Variants in ZDHHC23 observed in about 807,000 individuals in gnomAD.
ZDHHC23 encodes palmitoyltransferase ZDHHC23.
A neutral mutation model predicts 40.2 loss-of-function variants in ZDHHC23; 41 were observed. The observed-to-expected ratio is 1.02, with a 90% CI of 0.79 to 1.32. The LOEUF (loss-of-function observed/expected upper bound fraction) is 1.32. Among genes scored for constraint, ZDHHC23 ranks in the 40% most tolerant of loss-of-function variants. ZDHHC23 has a pLI of 0.00. For missense variants in ZDHHC23, 471 were observed against 541.5 expected (o/e 0.87, Z 1.29); for synonymous variants, 204 against 210.2 (o/e 0.97, Z 0.26).
chr3:113,961,237 A>T lies in ZDHHC23; in HGVS notation c.*2607A>T, dbSNP rs759024321. 1 of 154,480 alleles carries T rather than the reference A, an allele frequency of 6.5e-6. No homozygotes were observed. Among genetic ancestry groups the T allele is most frequent in the Non-Finnish European group, 1.4e-5 (1 of 69,668 alleles). The allele number at this position is 154,480 out of a possible 1,614,324, so 9.6% of individuals were successfully genotyped here. On this transcript the variant is annotated 3_prime_UTR_variant, in exon 5 of 5. Transcript: ENST00000638807. ...TCAAACAAGCAGGTCCTCTTCTCTCATCTCACGTCCTTAGTCTCTGTTAAT... is the reference window on the plus strand; with the variant it reads ...TCAAACAAGCAGGTCCTCTTCTCTCTTCTCACGTCCTTAGTCTCTGTTAAT...
downstream of ZDHHC23, among the ~76,000 whole-genome samples, chr3:113,966,140 C>T (rs1357280084): frequency 1.3e-5 from 2 of 152,172 alleles, no homozygotes; most frequent in Non-Finnish European, 2.9e-5. Flanking sequence ...ATTGAGGCCT[C>T]AGTGCGTAGA....
At chr3:113,964,777 C>G (rs930693309), downstream of ZDHHC23, 1 of 153,708 alleles carries the variant, frequency 6.5e-6, no homozygotes, top group African/African-American at 2.4e-5. Flanking sequence ...GCACTCACCC[C>G]TGTTTATTTC....
rs766806202 is a variant in ZDHHC23, at chr3:113,960,764, A to G, written c.*2134A>G. 2 of 1,552,382 alleles carry G rather than the reference A, an allele frequency of 1.3e-6. No homozygotes were observed. Among genetic ancestry groups the G allele is most frequent in the Admixed American group, 4.2e-5 (2 of 47,338 alleles). On this transcript the variant is annotated 3_prime_UTR_variant, in exon 5 of 5. Transcript: ENST00000638807. ...CTCCGCTTCCTTCCCATGGATAGGAAGGGACTCTGTGTATTATTCAGGTTT... is the reference window on the plus strand; with the variant it reads ...CTCCGCTTCCTTCCCATGGATAGGAGGGGACTCTGTGTATTATTCAGGTTT...
intron 4 of ZDHHC23, chr3:113,957,676 G>T (rs1431800042): frequency 2.0e-6 from 1 of 500,236 alleles, no homozygotes; most frequent in African/African-American, 1.9e-5. Flanking sequence ...TGAAGATTCT[G>T]AATGAACTTA....
At chr3:113,957,275 A>C (rs1294327677) in intron 4 of ZDHHC23, among the ~76,000 whole-genome samples, 1 of 151,756 alleles carries the variant, frequency 6.6e-6, no homozygotes, top group Non-Finnish European at 1.5e-5. Context: ...CTCACTCTTC[A>C]TTTTCAGAAC....
At position 113,960,987 on chromosome 3, in the gene ZDHHC23, T is replaced by C. The variant is rs1315078714; in HGVS notation, c.*2357T>C. On this transcript the variant is annotated 3_prime_UTR_variant, in exon 5 of 5. Transcript: ENST00000638807. ...TCTGTGACATCTTTGGTTTATAGGATTTTGGAGCCTTTTATGATCTGGAAC... is the reference window on the plus strand; with the variant it reads ...TCTGTGACATCTTTGGTTTATAGGACTTTGGAGCCTTTTATGATCTGGAAC... The C allele has an allele frequency of 2.2e-6, 1 of 447,090 alleles. No homozygotes were observed. Among genetic ancestry groups the C allele is most frequent in the Non-Finnish European group, 3.8e-6 (1 of 263,112 alleles). The allele number at this position is 447,090 out of a possible 1,614,324, so 27.7% of individuals were successfully genotyped here. A position where few individuals can be genotyped will look rare whatever the true frequency, so the allele number is the denominator to read the frequency against.
At position 113,957,367 on chromosome 3, in the gene ZDHHC23, A is replaced by G. The variant is rs115295373; in HGVS notation, c.1040+861A>G. Among the ~76,000 whole-genome samples, 1,502 of 152,308 alleles carry G rather than the reference A, an allele frequency of 9.9e-3. 22 individuals are homozygous for G. The highest frequency in any genetic ancestry group is 0.034 in the African/African-American group (1,400 of 41,552). On this transcript the variant is annotated intron_variant, in intron 4 of 4. Coordinates refer to ENST00000638807, the MANE Select transcript of ZDHHC23 (RefSeq NM_001320466.2). ...GGACAGATCTCCCCATTGTCATCCT[A>G]GAACCAGACACCTGTGGGCATTATT...
the ZDHHC23 span, among the ~76,000 whole-genome samples, chr3:113,977,168 G>A: frequency 6.6e-6 from 1 of 152,166 alleles, no homozygotes; most frequent in African/African-American, 2.4e-5. Flanking sequence ...GTCGTGGTGT[G>A]TGCCTGTAAT....
At chr3:113,971,484 T>G in the ZDHHC23 span, among the ~76,000 whole-genome samples, 1 of 152,256 alleles carries the variant, frequency 6.6e-6, no homozygotes, top group African/African-American at 2.4e-5. Flanking sequence ...TCATGTTTAT[T>G]GATTTGCATA....
chr3:113,972,438 T>C, the ZDHHC23 span, among the ~76,000 whole-genome samples: 1 of 152,188 alleles, frequency 6.6e-6, no homozygotes, highest in Non-Finnish European at 1.5e-5. Flanking sequence ...TCAGAATAGA[T>C]ACTTGATACA....
chr3:113,948,571 A>G, intron 1 of ZDHHC23, 115 bp from the exon 2 acceptor site: 5 of 464,820 alleles, frequency 1.1e-5, no homozygotes, highest in Non-Finnish European at 1.9e-5. Flanking sequence ...GGGGCGGTGA[A>G]GGCAGCTCAG....
Position 113,956,413 on chromosome 3 carries a change from T to C in ZDHHC23, c.947T>C (p.Val316Ala). ...CTTTTGATCTTCTTGCTCACCTCGGTGTATGGGATCACACTGACCTTGGAC... is the reference window on the plus strand; with the variant it reads ...CTTTTGATCTTCTTGCTCACCTCGGCGTATGGGATCACACTGACCTTGGAC... ...LALLIFLLTS[V>A]YGITLTLDTI... The change falls in exon 4 of 5, where the codon GTG becomes GCG. Residue 316 changes from valine to alanine, a missense_variant. This residue lies in a region of ZDHHC23 where 346 missense variants were observed against 399.8 expected (regional missense o/e 0.87). Transcript: ENST00000638807. 6.2e-7 allele frequency: 1 copy of C among 1,614,192 alleles called. No individual in the cohort carries two copies. The highest frequency in any genetic ancestry group is 8.5e-7 in the Non-Finnish European group (1 of 1,180,010).
rs1559851875 is a variant in ZDHHC23, at chr3:113,959,441, T to G, written c.*811T>G. 1.6e-6 allele frequency: 2 copies of G among 1,251,106 alleles called. No individual in the cohort carries two copies. Among genetic ancestry groups the G allele is most frequent in the Non-Finnish European group, 2.1e-6 (2 of 959,330 alleles). The allele number at this position is 1,251,106 out of a possible 1,614,324, so 77.5% of individuals were successfully genotyped here. Reference sequence around the variant, plus strand: ...TAGGTGATGAGTTCTTCTATTTATATTTTATAAATTCTGCTTGGGTTTCTT... The same window carrying G: ...TAGGTGATGAGTTCTTCTATTTATAGTTTATAAATTCTGCTTGGGTTTCTT... On this transcript the variant is annotated 3_prime_UTR_variant, in exon 5 of 5. Transcript: ENST00000638807.
intron 2 of ZDHHC23, among the ~76,000 whole-genome samples, chr3:113,951,906 G>T (rs1171381450): frequency 6.6e-6 from 1 of 152,198 alleles, no homozygotes; most frequent in Non-Finnish European, 1.5e-5. Context: ...GGGAAGCCCA[G>T]GTGGGCAGAT....
At chr3:113,970,122 A>C (rs1049993139), downstream of ZDHHC23, among the ~76,000 whole-genome samples, 3 of 151,842 alleles carry the variant, frequency 2.0e-5, no homozygotes, top group African/African-American at 7.3e-5. Flanking sequence ...TTAAGGTGGG[A>C]TTGTTTTCTT....
chr3:113,948,872 T>G lies in ZDHHC23; in HGVS notation c.70T>G (p.Cys24Gly). 6.2e-7 allele frequency: 1 copy of G among 1,614,236 alleles called. No individual in the cohort carries two copies. Reference sequence around the variant, plus strand: ...CGAAGAACCTGAATTGGAGCCCCTGTGCTGCTGCGAGTACATAGATCGGAA... The same window carrying G: ...CGAAGAACCTGAATTGGAGCCCCTGGGCTGCTGCGAGTACATAGATCGGAA... The part of the protein sequence containing the change: ...KTEEPELEPL[C>G]CCEYIDRNGE... The change falls in exon 2 of 5, where the codon TGC becomes GGC. Residue 24 changes from cysteine to glycine, a missense_variant. Physicochemically the swap from Cys to Gly is radical, Grantham distance 159 (BLOSUM62 -3). Around this residue, in one of 3 missense-constraint regions of ZDHHC23, gnomAD observed 83 missense variants for 67.8 expected, o/e 1.22. Coordinates refer to ENST00000638807, the MANE Select transcript of ZDHHC23 (RefSeq NM_001320466.2).
Position 113,960,724 on chromosome 3 carries a change from A to G in ZDHHC23, c.*2094A>G. 4 of 1,590,180 alleles carry G rather than the reference A, an allele frequency of 2.5e-6. No individual in the cohort carries two copies. Among genetic ancestry groups the G allele is most frequent in the Non-Finnish European group, 3.4e-6 (4 of 1,171,634 alleles). On this transcript the variant is annotated 3_prime_UTR_variant, in exon 5 of 5. Transcript: ENST00000638807. ...TTAACAACTTACCTCTAATAGGGTT[A>G]CTTGGATGAGCCAACTCCGCTTCCT...
chr3:113,972,754 A>G, the ZDHHC23 span, among the ~76,000 whole-genome samples: 8 of 152,102 alleles, frequency 5.3e-5, no homozygotes, highest in East Asian at 1.9e-4. Context: ...GAGTGCATAG[A>G]TATTTATAAT....
At chr3:113,976,215 T>TACTA in the ZDHHC23 span, among the ~76,000 whole-genome samples, 1 of 151,930 alleles carries the variant, frequency 6.6e-6, no homozygotes, top group East Asian at 1.9e-4. Flanking sequence ...GCTGAGATCC[T>TACTA]ACTACTGCAC....
Sources: allele counts gnomAD v4.1 joint callset (sites outside exome capture counted in the v4.1 genomes callset), GRCh38; gene constraint gnomAD v4.1.1; regional missense constraint gnomAD v4.1.1; transcripts MANE v1.5; gene names NCBI Gene and HGNC (gene_info 2026-07-23, HGNC 2026-07-21).